Variants in ZFHX3 observed in about 807,000 individuals in gnomAD.
ZFHX3 encodes the protein zinc finger homeobox protein 3.
A neutral mutation model predicts 279.1 loss-of-function variants in ZFHX3; 42 were observed. That is an observed-to-expected ratio of 0.15 (90% CI 0.12 to 0.19). The LOEUF (loss-of-function observed/expected upper bound fraction) is 0.19, where lower values mean the gene tolerates loss of function less well. Among genes scored for constraint, ZFHX3 ranks in the 10% least tolerant of loss-of-function variants. The pLI is 1.00. For synonymous variants in ZFHX3, 2,293 were observed against 1,957.8 expected (o/e 1.17, Z -4.52); for missense variants, 4,981 against 4,754.0 (o/e 1.05, Z -1.40).
intron 3 of ZFHX3, among the ~76,000 whole-genome samples, chr16:73,402,873 G>A (rs138164516): frequency 2.1e-3 from 317 of 151,762 alleles, no homozygotes; most frequent in African/African-American, 7.1e-3. Context: ...AGGGCTTGGG[G>A]GTGGCTGTCG....
At chr16:73,785,316 T>C (rs925515609) in intron 1 of ZFHX3, among the ~76,000 whole-genome samples, 2 of 152,208 alleles carry the variant, frequency 1.3e-5, no homozygotes, top group African/African-American at 2.4e-5. Flanking sequence ...TTTCTATGTA[T>C]CTACCAAAAA....
rs2020408036 is a variant in ZFHX3 at position 73,563,572 on chromosome 16, A to C, written c.-1546-107314T>G. On this transcript the variant is annotated intron_variant, in intron 2 of 17. Coordinates refer to the ZFHX3 transcript ENST00000641206. Reference sequence around the variant, plus strand: ...ACACTCATTAATATTACATGTAATAATCTACAGTATTAGGGATGTGATTGG... The same window carrying C: ...ACACTCATTAATATTACATGTAATACTCTACAGTATTAGGGATGTGATTGG... Among the ~76,000 whole-genome samples, 5 of 152,268 alleles carry C rather than the reference A, an allele frequency of 3.3e-5. 1 individual carries two copies. The South Asian group carries it at 1.0e-3, about 32-fold the overall frequency.
chr16:73,883,351 G>A (rs1340247167), intron 1 of ZFHX3, among the ~76,000 whole-genome samples: 2 of 151,842 alleles, frequency 1.3e-5, no homozygotes, highest in Non-Finnish European at 2.9e-5. Context: ...GTTACTCCAG[G>A]AATGAGTTTA....
intron 1 of ZFHX3, among the ~76,000 whole-genome samples, chr16:73,038,519 G>A (rs747011016): frequency 6.6e-6 from 1 of 152,228 alleles, no homozygotes; most frequent in East Asian, 1.9e-4. Flanking sequence ...CGCGGCTTCT[G>A]AGCACTGGAC....
chr16:73,404,698 G>A (rs868410441), intron 3 of ZFHX3, among the ~76,000 whole-genome samples: 6 of 152,152 alleles, frequency 3.9e-5, no homozygotes, highest in South Asian at 2.1e-4. Flanking sequence ...TATTATCCCC[G>A]TTTTACGCAT....
chr16:73,800,779 T>G (rs1960123029), intron 1 of ZFHX3, among the ~76,000 whole-genome samples: 1 of 152,078 alleles, frequency 6.6e-6, no homozygotes, highest in Non-Finnish European at 1.5e-5. Flanking sequence ...TCAGCCAGCA[T>G]CCTCTGGGCT....
chr16:73,664,931 G>A (rs1019103416), intron 2 of ZFHX3, among the ~76,000 whole-genome samples: 4 of 152,118 alleles, frequency 2.6e-5, no homozygotes, highest in Non-Finnish European at 5.9e-5. Flanking sequence ...TTTAAAATAT[G>A]TAATGGGATA....
At chr16:73,097,681 T>TAATGGGTA (rs1226996958) in intron 7 of ZFHX3, among the ~76,000 whole-genome samples, 3 of 152,168 alleles carry the variant, frequency 2.0e-5, no homozygotes, top group African/African-American at 7.2e-5. Context: ...CTCGTCACTC[T>TAATGGGTA]AAACGTAAAC....
rs151148059 is a variant in ZFHX3, at chr16:73,519,590, C to T, written c.-1546-63332G>A. Among the ~76,000 whole-genome samples, 41 of 152,202 alleles carry T rather than the reference C, an allele frequency of 2.7e-4. 1 individual carries two copies. The highest frequency in any genetic ancestry group is 2.5e-3 in the Admixed American group (38 of 15,286). On this transcript the variant is annotated intron_variant, in intron 2 of 17. Transcript: ENST00000641206. ...TTTTCTACCTCCCAAAGGAGACCACCGTTCTCTGTCCCTGGTTCTTCCTGG... is the reference window on the plus strand; with the variant it reads ...TTTTCTACCTCCCAAAGGAGACCACTGTTCTCTGTCCCTGGTTCTTCCTGG...
chr16:73,789,788 T>C (rs774077419), intron 1 of ZFHX3, among the ~76,000 whole-genome samples: 2 of 152,078 alleles, frequency 1.3e-5, no homozygotes, highest in Non-Finnish European at 2.9e-5. Flanking sequence ...AAATGGACAC[T>C]CAAGCCCCGG....
chr16:72,992,779 C>T (rs148060876), intron 1 of ZFHX3, among the ~76,000 whole-genome samples: 147 of 152,308 alleles, frequency 9.7e-4, no homozygotes, highest in Non-Finnish European at 1.1e-3. Flanking sequence ...GGTGGATGGC[C>T]GTGCACACGA....
At chr16:72,885,773 G>C (rs985502045) in intron 4 of ZFHX3, among the ~76,000 whole-genome samples, 1 of 152,182 alleles carries the variant, frequency 6.6e-6, no homozygotes, top group East Asian at 1.9e-4. Context: ...AAAGGAGAAG[G>C]AATGTCATCA....
intron 8 of ZFHX3, among the ~76,000 whole-genome samples, chr16:73,085,368 C>T (rs2144770309): frequency 6.6e-6 from 1 of 152,310 alleles, no homozygotes; most frequent in Middle Eastern, 3.4e-3. Flanking sequence ...AAGTGATTCT[C>T]CTGCCTCAGC....
intron 5 of ZFHX3, among the ~76,000 whole-genome samples, chr16:73,156,328 T>C (rs1342388803): frequency 1.3e-5 from 2 of 149,736 alleles, no homozygotes; most frequent in Non-Finnish European, 3.0e-5. Context: ...GGTGGGTGAG[T>C]AGTTCCCATT....
intron 4 of ZFHX3, among the ~76,000 whole-genome samples, chr16:73,311,553 G>A (rs905338347): frequency 1.5e-5 from 2 of 131,448 alleles, no homozygotes; most frequent in African/African-American, 5.9e-5. Context: ...TTATGCCACA[G>A]CACTCCAGCC....
intron 5 of ZFHX3, among the ~76,000 whole-genome samples, chr16:72,826,039 C>A (rs997923478): frequency 6.6e-6 from 1 of 152,212 alleles, no homozygotes; most frequent in Non-Finnish European, 1.5e-5. Flanking sequence ...TATAATCTCA[C>A]TGAATTTGTG....
Position 72,795,881 on chromosome 16 carries a change from T to A in ZFHX3, c.6801A>T (p.Pro2267=). ...AGAGTTGCTCAAATTCATCATCCTTTGGGTAAGCATTGGCATCGAAGAAGT... is the reference window on the plus strand; with the variant it reads ...AGAGTTGCTCAAATTCATCATCCTTAGGGTAAGCATTGGCATCGAAGAAGT... ...LQDFFDANAY[P]KDDEFEQLSN... is the part of the protein sequence containing the mutation. Residue 2267 remains proline (P), a synonymous_variant, in exon 9 of 10, where the codon CCA becomes CCT. Coordinates refer to ENST00000268489, the MANE Select transcript of ZFHX3 (RefSeq NM_006885.4). The A allele has an allele frequency of 6.2e-7, 1 of 1,614,210 alleles. No individual in the cohort carries two copies. The highest frequency in any genetic ancestry group is 1.1e-5 in the South Asian group (1 of 91,086).
intron 4 of ZFHX3, among the ~76,000 whole-genome samples, chr16:73,263,193 C>CT (rs558980116): frequency 0.05 from 7,267 of 144,196 alleles, 372 homozygotes; most frequent in African/African-American, 0.13. Flanking sequence ...TCAGGAAGTC[C>CT]TTTTTTTTTT....
At chr16:73,115,774 C>T (rs1367035049) in intron 7 of ZFHX3, among the ~76,000 whole-genome samples, 1 of 152,134 alleles carries the variant, frequency 6.6e-6, no homozygotes, top group African/African-American at 2.4e-5. Flanking sequence ...TGTTCAAGTT[C>T]ACATTGTTTG....
Sources: allele counts gnomAD v4.1 joint callset (sites outside exome capture counted in the v4.1 genomes callset), GRCh38; gene constraint gnomAD v4.1.1; transcripts MANE v1.5; gene names NCBI Gene and HGNC (gene_info 2026-07-23, HGNC 2026-07-21).